ACSM2B: variants seen among roughly 807,000 people sequenced by gnomAD.
The protein encoded by ACSM2B is acyl-coenzyme A synthetase ACSM2B, mitochondrial.
Under a neutral mutation model 78.6 loss-of-function variants are expected in ACSM2B, and 58 were observed. That is an observed-to-expected ratio of 0.74 (90% CI 0.60 to 0.92). ACSM2B has a LOEUF of 0.92. ACSM2B is among the 40% of genes least tolerant of loss of function. The pLI is 0.00. For missense variants in ACSM2B, 688 were observed against 711.2 expected, an observed-to-expected ratio of 0.97 and a Z score of 0.37; for synonymous variants, 257 against 256.8, an observed-to-expected ratio of 1.00 and a Z score of -0.01.
intron 12 of ACSM2B, 176 bp downstream of exon 12, chr16:20,542,738 A>T (rs975787930): frequency 1.3e-6 from 1 of 744,376 alleles, no homozygotes; most frequent in Admixed American, 2.9e-5. Flanking sequence ...TTACAGATGA[A>T]GAAACTGAGA....
rs370338597 is a variant in ACSM2B, at chr16:20,564,744, C to G, written c.102G>C (p.Gln34His). The stretch of plus-strand genomic sequence containing the variant: ...TGGCCGGCACTTCCTGGTGGCCCCA[C>G]TGCAGGGACACCAGTTGCCTACTAT... ...YINSRQLVSLQWGHQEVPAKF... is the reference protein window; with the variant it reads ...YINSRQLVSLHWGHQEVPAKF... The change falls in exon 2 of 14, where the codon CAG becomes CAC. Residue 34 changes from glutamine (Q) to histidine (H), a missense_variant. Transcript: ENST00000329697. 1.3e-4 allele frequency: 214 copies of G among 1,613,468 alleles called. No homozygotes were observed. The highest frequency in any genetic ancestry group is 1.7e-4 in the Non-Finnish European group (197 of 1,179,768).
At chr16:20,550,185 G>A (rs895196885) in intron 6 of ACSM2B, among the ~76,000 whole-genome samples, 2 of 152,034 alleles carry the variant, frequency 1.3e-5, no homozygotes, top group African/African-American at 4.8e-5. Flanking sequence ...TTTATTTTTG[G>A]TTTACAAGTT....
chr16:20,554,258 C>G, intron 4 of ACSM2B: 1 of 463,314 alleles, frequency 2.2e-6, no homozygotes, highest in South Asian at 1.7e-5. Flanking sequence ...ACTTGCTTAG[C>G]AAGAGCTCAA....
intron 6 of ACSM2B, among the ~76,000 whole-genome samples, chr16:20,548,854 A>T (rs1255697052): frequency 6.6e-6 from 1 of 152,094 alleles, no homozygotes; most frequent in Non-Finnish European, 1.5e-5. Context: ...TGAGTCCCTT[A>T]ACTTTCTGTA....
At chr16:20,541,545 ACT>A (rs1175110902) in intron 12 of ACSM2B, among the ~76,000 whole-genome samples, 2 of 151,814 alleles carry the variant, frequency 1.3e-5, no homozygotes, top group African/African-American at 2.4e-5. Context: ...CAGGAATAAG[ACT>A]CTGATTCAAA....
In ACSM2B at chr16:20,555,370, T is replaced by G; in HGVS notation, c.495A>C (p.Gln165His). The part of the protein sequence containing the change: ...KAIVAGDEVI[Q>H]EVDTVASECP... ...ATTCAGATGCCACTGTGTCCACTTC[T>G]TGGATGACTTCATCCCCAGCAACAA... Residue 165 changes from glutamine (Q) to histidine (H), a missense_variant, in exon 4 of 14, where the codon CAA becomes CAC. Transcript: ENST00000329697. The G allele has an allele frequency of 1.2e-6, 2 of 1,613,962 alleles. No homozygotes were observed. The highest frequency in any genetic ancestry group is 1.7e-6 in the Non-Finnish European group (2 of 1,179,862).
intron 1 of ACSM2B, among the ~76,000 whole-genome samples, chr16:20,566,660 G>C (rs796579482): frequency 0.13 from 867 of 6,734 alleles, 52 homozygotes; most frequent in East Asian, 0.25. Context: ...CTATATATAT[G>C]TATATATAGT....
rs1567202684 is a variant in ACSM2B, at chr16:20,537,206, G to A, written c.*52C>T. 18 of 1,601,988 alleles carry A rather than the reference G, an allele frequency of 1.1e-5. No homozygotes were observed. Among genetic ancestry groups the A allele is most frequent in the East Asian group, 2.2e-5 (1 of 44,784 alleles). On this transcript the variant is annotated 3_prime_UTR_variant, in exon 14 of 14. Transcript: ENST00000329697. ...TCATAGTAAGGCCAAGGGCCCAAAG[G>A]GAAAAGAAAGAGAAAGAAGAGGGGA...
chr16:20,546,073 A>C, intron 9 of ACSM2B, among the ~76,000 whole-genome samples: 1 of 152,330 alleles, frequency 6.6e-6, no homozygotes, highest in Middle Eastern at 3.4e-3. Flanking sequence ...TTGTTAAATG[A>C]TAAAAGCTAG....
intron 12 of ACSM2B, chr16:20,541,551 A>T (rs1700233911): frequency 6.6e-6 from 1 of 152,034 alleles, no homozygotes. Context: ...TAAGACTCTG[A>T]TTCAAATATC....
At chr16:20,565,181 A>G (rs1302278244) in intron 1 of ACSM2B, among the ~76,000 whole-genome samples, 1 of 151,948 alleles carries the variant, frequency 6.6e-6, no homozygotes, top group Non-Finnish European at 1.5e-5. Context: ...CCAGCAATTC[A>G]CTCCCTTTCC....
At chr16:20,540,349 T>G (rs1242383693) in intron 13 of ACSM2B, among the ~76,000 whole-genome samples, 1 of 151,968 alleles carries the variant, frequency 6.6e-6, no homozygotes, top group East Asian at 1.9e-4. Context: ...TTCGAGCGAT[T>G]CTCATGCCTC....
intron 3 of ACSM2B, among the ~76,000 whole-genome samples, chr16:20,557,102 T>G (rs1013438735): frequency 1.3e-5 from 2 of 152,084 alleles, no homozygotes; most frequent in Non-Finnish European, 2.9e-5. Flanking sequence ...CTGGAGTTTC[T>G]TGGGGTTCTT....
At chr16:20,548,340 G>T in intron 7 of ACSM2B, 54 bp downstream of exon 7, 1 of 1,610,020 alleles carries the variant, frequency 6.2e-7, no homozygotes, top group Non-Finnish European at 8.5e-7. Context: ...ATGTATGTGA[G>T]GGAGTCAGGG....
intron 3 of ACSM2B, among the ~76,000 whole-genome samples, chr16:20,558,360 A>G (rs2015541174): frequency 6.9e-6 from 1 of 145,158 alleles, no homozygotes; most frequent in African/African-American, 2.4e-5. Flanking sequence ...CCTGCATGCC[A>G]AAGCATCCTT....
chr16:20,564,553 G>A lies in ACSM2B; in HGVS notation c.177+116C>T, dbSNP rs141287349. On this transcript the variant is annotated intron_variant, in intron 2 of 13. Transcript: ENST00000329697. Reference sequence around the variant, plus strand: ...ATGGAAGATGAGTGTCTTGTCCATAGCTTATTACAGTGCCTTACATGTAAT... The same window carrying A: ...ATGGAAGATGAGTGTCTTGTCCATAACTTATTACAGTGCCTTACATGTAAT... 2.4e-3 allele frequency: 3,559 copies of A among 1,479,930 alleles called. 79 individuals are homozygous for A. The South Asian group carries it at 0.031, about 13-fold the overall frequency. 91.7% of individuals were successfully genotyped at this position (1,479,930 alleles called of 1,614,324 possible).
intron 2 of ACSM2B, among the ~76,000 whole-genome samples, chr16:20,563,850 C>G (rs921301047): frequency 6.6e-6 from 1 of 151,946 alleles, no homozygotes. Flanking sequence ...AGAATGAATC[C>G]TTCCATCCTA....
chr16:20,547,751 C>T, intron 8 of ACSM2B: 1 of 1,034,534 alleles, frequency 9.7e-7, no homozygotes, highest in Non-Finnish European at 1.2e-6. Context: ...TGTGATTTAC[C>T]AACTTCTCAC....
chr16:20,548,412 A>T lies in ACSM2B; in HGVS notation c.956T>A (p.Leu319Gln), dbSNP rs1348958701. 6.2e-7 allele frequency: 1 copy of T among 1,613,692 alleles called. No individual in the cohort carries two copies. The highest frequency in any genetic ancestry group is 8.5e-7 in the Non-Finnish European group (1 of 1,179,742). Residue 319 changes from leucine to glutamine, a missense_variant, in exon 7 of 14, where the codon CTA (leucine) becomes CAA (glutamine). By Grantham distance (113) the Leu-to-Gln change is moderately radical (BLOSUM62 -2). Transcript: ENST00000329697. ...CCATCACCTGGAAAGATCCTGCTGTAGCAACATCCGGTAAACAATAGGGGC... is the reference window on the plus strand; with the variant it reads ...CCATCACCTGGAAAGATCCTGCTGTTGCAACATCCGGTAAACAATAGGGGC... The part of the protein sequence containing the change: ...MGAPIVYRML[L>Q]QQDLSSYKFP...
Sources: allele counts gnomAD v4.1 joint callset (sites outside exome capture counted in the v4.1 genomes callset), GRCh38; gene constraint gnomAD v4.1.1; transcripts MANE v1.5; gene names NCBI Gene and HGNC (gene_info 2026-07-23, HGNC 2026-07-21).